Variants in SREBF2 observed in about 807,000 individuals in gnomAD.
The protein encoded by SREBF2 is sterol regulatory element-binding protein 2.
SREBF2 carries 55 observed loss-of-function variants against 113.1 expected under a neutral mutation model. The observed-to-expected ratio is 0.49, with a 90% CI of 0.39 to 0.61. The LOEUF is 0.61. SREBF2 is among the 20% of genes least tolerant of loss of function. SREBF2 has a pLI of 0.00. For missense variants in SREBF2, 1,349 were observed against 1,487.4 expected, an observed-to-expected ratio of 0.91 and a Z score of 1.53; for synonymous variants, 593 against 605.7, an observed-to-expected ratio of 0.98 and a Z score of 0.31.
chr22:41,864,333 T>C (rs1369587617), intron 1 of SREBF2, among the ~76,000 whole-genome samples: 28 of 138,320 alleles, frequency 2.0e-4, no homozygotes, highest in African/African-American at 7.2e-4. Flanking sequence ...ATTTTTTTTT[T>C]TTTTTGAGAC....
At chr22:41,890,200 T>A (rs2077345712) in intron 11 of SREBF2, among the ~76,000 whole-genome samples, 1 of 152,290 alleles carries the variant, frequency 6.6e-6, no homozygotes, top group East Asian at 1.9e-4. Flanking sequence ...ACTGCACACC[T>A]CAAGCTTTGG....
intron 17 of SREBF2, chr22:41,904,535 G>A (rs1257374535): frequency 1.8e-6 from 1 of 552,840 alleles, no homozygotes; most frequent in Non-Finnish European, 3.6e-6. Flanking sequence ...CAAACTGCAG[G>A]CAGCCTCCAG....
At chr22:41,857,596 C>T (rs1190642763) in intron 1 of SREBF2, among the ~76,000 whole-genome samples, 4 of 152,180 alleles carry the variant, frequency 2.6e-5, no homozygotes, top group South Asian at 4.1e-4. Context: ...CACCTCTCCA[C>T]CCAATTTTTC....
chr22:41,871,468 G>A (rs947922324), intron 4 of SREBF2, among the ~76,000 whole-genome samples: 8 of 152,186 alleles, frequency 5.3e-5, no homozygotes, highest in African/African-American at 1.9e-4. Flanking sequence ...AGAGTAAATG[G>A]TGATTAAAAT....
chr22:41,849,429 A>G (rs574947275), intron 1 of SREBF2, among the ~76,000 whole-genome samples: 25 of 152,192 alleles, frequency 1.6e-4, no homozygotes, highest in Non-Finnish European at 3.1e-4. Context: ...TCCTGACTTC[A>G]GGTGATCCTC....
chr22:41,896,337 T>C (rs1358052382), intron 13 of SREBF2, among the ~76,000 whole-genome samples: 4 of 152,020 alleles, frequency 2.6e-5, no homozygotes, highest in Admixed American at 2.6e-4. Context: ...AAAGTCACTT[T>C]TGTTTTTTGT....
In SREBF2 at chr22:41,866,932, AGCG is replaced by A; in HGVS notation, c.193_195del (p.Gly65del). On this transcript the variant is annotated inframe_deletion, in exon 2 of 19. Coordinates refer to ENST00000361204, the MANE Select transcript of SREBF2 (RefSeq NM_004599.4). ...TGGCAGTGGTGGTAGTGGTAGCAGC[AGCG>A]GCAGCAGTGGCAGCAGCAGCAGCAG... 6.2e-7 allele frequency: 1 copy of A among 1,613,440 alleles called. No individual in the cohort carries two copies. Among genetic ancestry groups the A allele is most frequent in the Non-Finnish European group, 8.5e-7 (1 of 1,179,904 alleles).
chr22:41,886,983 G>A (rs2077305402), intron 11 of SREBF2, among the ~76,000 whole-genome samples: 2 of 152,278 alleles, frequency 1.3e-5, no homozygotes, highest in South Asian at 4.1e-4. Context: ...GCATTGAGCG[G>A]AGATCACGCC....
chr22:41,875,441 T>G lies in SREBF2; in HGVS notation c.1194T>G (p.Asn398Lys). 6.2e-7 allele frequency: 1 copy of G among 1,614,186 alleles called. No homozygotes were observed. The highest frequency in any genetic ancestry group is 8.5e-7 in the Non-Finnish European group (1 of 1,180,036). Residue 398 changes from asparagine (N) to lysine (K), a missense_variant, in exon 6 of 19, where the codon AAT (asparagine) becomes AAG (lysine). This residue lies in a region of SREBF2 where 699 missense variants were observed against 843.3 expected (regional missense o/e 0.83). Coordinates refer to ENST00000361204, the MANE Select transcript of SREBF2 (RefSeq NM_004599.4). Reference protein sequence around the residue: ...RQENMVLKLANQKNKLLKGID... With the variant: ...RQENMVLKLAKQKNKLLKGID... ...AGAACATGGTGCTGAAGCTGGCAAA[T>G]CAAAAGAACAGTAAGTGTGCTGAGA...
intron 17 of SREBF2, 125 bp downstream of exon 17, chr22:41,903,280 C>A: frequency 1.7e-6 from 2 of 1,174,926 alleles, no homozygotes; most frequent in South Asian, 2.6e-5. Context: ...GGTGACCTGT[C>A]GAGCACCTGC....
chr22:41,870,204 TG>T (rs1293839731), intron 3 of SREBF2, among the ~76,000 whole-genome samples: 1 of 152,242 alleles, frequency 6.6e-6, no homozygotes, highest in Non-Finnish European at 1.5e-5. Context: ...TTATTATTTT[TG>T]CTTCTCAGCC....
At position 41,906,386 on chromosome 22, in the gene SREBF2, C is replaced by T. The variant is rs760653568; in HGVS notation, c.*726C>T. On this transcript the variant is annotated 3_prime_UTR_variant, in exon 19 of 19. Coordinates refer to ENST00000361204, the MANE Select transcript of SREBF2 (RefSeq NM_004599.4). Reference sequence around the variant, plus strand: ...ATCTTATTTAATTGTCCTGTTCCTTCCCACTCCCCGCCTCCTAGGATGTTA... The same window carrying T: ...ATCTTATTTAATTGTCCTGTTCCTTTCCACTCCCCGCCTCCTAGGATGTTA... 6 of 184,652 alleles carry T rather than the reference C, an allele frequency of 3.2e-5. No individual in the cohort carries two copies. Among genetic ancestry groups the T allele is most frequent in the South Asian group, 1.0e-4 (1 of 9,546 alleles). The allele number at this position is 184,652 out of a possible 1,614,324, so 11.4% of individuals were successfully genotyped here. A position where few individuals can be genotyped will look rare whatever the true frequency, so the allele number is the denominator to read the frequency against.
chr22:41,842,141 A>C (rs369553855), intron 1 of SREBF2, among the ~76,000 whole-genome samples: 107 of 152,306 alleles, frequency 7.0e-4, no homozygotes, highest in Middle Eastern at 6.8e-3. Context: ...TTTTTTTAAA[A>C]GATAGTACAT....
chr22:41,889,006 T>C (rs1336489022), intron 11 of SREBF2, among the ~76,000 whole-genome samples: 2 of 152,178 alleles, frequency 1.3e-5, no homozygotes, highest in African/African-American at 4.8e-5. Flanking sequence ...GTGAAAATGG[T>C]TTAGACTAGA....
At chr22:41,866,042 G>C (rs935735481) in intron 1 of SREBF2, among the ~76,000 whole-genome samples, 4 of 152,158 alleles carry the variant, frequency 2.6e-5, no homozygotes, top group African/African-American at 9.7e-5. Context: ...GCCTCCCTGT[G>C]GTGAGGAGGA....
rs958823518 is a variant in SREBF2 at position 41,833,497 on chromosome 22, G to T, written c.88+139G>T. The stretch of plus-strand genomic sequence containing the variant: ...ACCCCGTGCGCACGGTGCCCCCGGC[G>T]GTCCTCAACCCTTCCGGCGCTGCGA... On this transcript the variant is annotated intron_variant, in intron 1 of 18. Coordinates refer to ENST00000361204, the MANE Select transcript of SREBF2 (RefSeq NM_004599.4). This position sits in a 1 kb window ranked among gnomAD's most constrained non-coding sequence, Gnocchi z 4.1. 1.5e-6 allele frequency: 1 copy of T among 654,346 alleles called. No individual in the cohort carries two copies. 40.5% of individuals were successfully genotyped at this position (654,346 alleles called of 1,614,324 possible).
intron 1 of SREBF2, among the ~76,000 whole-genome samples, chr22:41,838,767 G>A (rs2076801889): frequency 6.6e-6 from 1 of 151,968 alleles, no homozygotes; most frequent in South Asian, 2.1e-4. Context: ...AAAATTGAAC[G>A]GTGGTGATAG....
At chr22:41,859,879 C>T (rs1284314525) in intron 1 of SREBF2, among the ~76,000 whole-genome samples, 2 of 133,224 alleles carry the variant, frequency 1.5e-5, no homozygotes, top group Admixed American at 8.6e-5. Flanking sequence ...GGCGCAATCT[C>T]GGTGCAAGCT....
intron 15 of SREBF2, chr22:41,899,969 G>T (rs1422791924): frequency 8.3e-7 from 1 of 1,202,532 alleles, no homozygotes. Flanking sequence ...ATCTCTGGGG[G>T]GGTGGTCCCT....
Sources: gnomAD v4.1 joint callset for allele counts (sites outside exome capture counted in the v4.1 genomes callset) on GRCh38, gnomAD v4.1.1 for gene constraint, gnomAD v4.1.1 regional missense constraint, Gnocchi (gnomAD v3.1) non-coding constraint, MANE v1.5 for transcripts, NCBI Gene and HGNC (gene_info 2026-07-23, HGNC 2026-07-21) for gene names.